PCDHA5: variants seen among roughly 807,000 people sequenced by gnomAD.
The protein encoded by PCDHA5 is protocadherin alpha 5.
A neutral mutation model predicts 61.6 loss-of-function variants in PCDHA5; 43 were observed. That is an observed-to-expected ratio of 0.70 (90% CI 0.55 to 0.90). The LOEUF (loss-of-function observed/expected upper bound fraction) is 0.90, where lower values mean the gene tolerates loss of function less well. Ranked by LOEUF, PCDHA5 falls within the 40% of genes least tolerant of loss-of-function variation. The pLI, the probability that PCDHA5 is intolerant of heterozygous loss-of-function variation, is 0.00. For synonymous variants in PCDHA5, 627 were observed against 543.9 expected (o/e 1.15, Z -2.13); for missense variants, 1,298 against 1,222.7 (o/e 1.06, Z -0.92).
intron 1 of PCDHA5, chr5:140,849,292 C>T (rs1472038377): frequency 1.5e-5 from 18 of 1,231,626 alleles, no homozygotes; most frequent in African/African-American, 1.8e-5. Flanking sequence ...CACCCCAATG[C>T]CTCAGATTTA....
In PCDHA5 at chr5:140,821,771, T is replaced by C. The variant is rs2150110539; in HGVS notation, c.-5T>C. The stretch of plus-strand genomic sequence containing the variant: ...TAGAAAGCTCATAATTGGAACGAGA[T>C]TGAGATGGTATATTCCCGGAGAGGA... On this transcript the variant is annotated 5_prime_UTR_variant, in exon 1 of 4. Coordinates refer to ENST00000529859, the MANE Select transcript of PCDHA5 (RefSeq NM_018908.3). The C allele has an allele frequency of 2.4e-4, 390 of 1,602,920 alleles. No individual in the cohort carries two copies. Among genetic ancestry groups the C allele is most frequent in the Non-Finnish European group, 3.2e-4 (377 of 1,174,350 alleles).
chr5:140,927,920 T>G (rs782193396), intron 1 of PCDHA5: 1 of 1,614,120 alleles, frequency 6.2e-7, no homozygotes, highest in Non-Finnish European at 8.5e-7. Flanking sequence ...CTGGACTTCC[T>G]GACTCTTTCG....
chr5:140,955,324 T>G (rs1358791050), intron 1 of PCDHA5, among the ~76,000 whole-genome samples: 8 of 152,186 alleles, frequency 5.3e-5, no homozygotes, highest in Non-Finnish European at 8.8e-5. Flanking sequence ...CCTTGAATTG[T>G]AGTTCCCATA....
intron 3 of PCDHA5, among the ~76,000 whole-genome samples, chr5:141,000,339 A>ATC (rs1414297743): frequency 9.8e-6 from 1 of 102,338 alleles, no homozygotes; most frequent in Non-Finnish European, 2.1e-5. Context: ...GCAAGGCCCT[A>ATC]TCTCTCTCTC....
At chr5:140,935,981 C>T (rs1206046231) in intron 1 of PCDHA5, among the ~76,000 whole-genome samples, 2 of 151,096 alleles carry the variant, frequency 1.3e-5, no homozygotes, top group Non-Finnish European at 2.9e-5. Context: ...CAATCTCTGC[C>T]TCCCGGGTTC....
chr5:140,909,117 G>T lies in PCDHA5; in HGVS notation c.2353-69832G>T, dbSNP rs576916273. Among the ~76,000 whole-genome samples the T allele has an allele frequency of 1.1e-4, 16 of 152,272 alleles. No homozygotes were observed. The South Asian group carries it at 3.1e-3, about 30-fold the overall frequency. On this transcript the variant is annotated intron_variant, in intron 1 of 3. Transcript: ENST00000529859. ...ACTCACTGGGTCCAATCAGCAAAAT[G>T]TCATCAAGGTAATGAACCAGTGTGA...
chr5:141,010,381 T>C lies in PCDHA5; in HGVS notation c.*444T>C. On this transcript the variant is annotated 3_prime_UTR_variant, in exon 4 of 4. Transcript: ENST00000529859. ...ACCGCGGGTATGCGAGTGCCAGATA[T>C]TGGCTGAGACGAGCCAGCTTAGACT... 2.8e-6 allele frequency: 4 copies of C among 1,442,848 alleles called. No homozygotes were observed. The highest frequency in any genetic ancestry group is 2.8e-6 in the Non-Finnish European group (3 of 1,086,990). The allele number at this position is 1,442,848 out of a possible 1,614,324, so 89.4% of individuals were successfully genotyped here.
chr5:140,904,706 A>G (rs1554191662), intron 1 of PCDHA5, among the ~76,000 whole-genome samples: 2 of 151,982 alleles, frequency 1.3e-5, no homozygotes, highest in South Asian at 2.1e-4. Flanking sequence ...TTCCCTTTTC[A>G]CCACATTCTG....
At position 140,857,973 on chromosome 5, in the gene PCDHA5, C is replaced by G. The variant is rs114376757; in HGVS notation, c.2352+33846C>G. On this transcript the variant is annotated intron_variant, in intron 1 of 3. Transcript: ENST00000529859. ...CGCGCTCTGGATGAGACTGACTCGC[C>G]ACGCCAGCGCCTACTGGTGCTGGTG... is the stretch of plus-strand genomic sequence containing the variant. The G allele has an allele frequency of 3.1e-3, 4,989 of 1,596,810 alleles. 388 individuals carry two copies. In the African/African-American group the frequency reaches 0.058, roughly 19 times the overall value.
chr5:140,841,458 G>T (rs2150315915), intron 1 of PCDHA5: 2 of 1,612,756 alleles, frequency 1.2e-6, no homozygotes, highest in African/African-American at 2.7e-5. Flanking sequence ...ACCTTCGTGG[G>T]CCGGATCGCG....
rs1450871721 is a variant in PCDHA5, at chr5:140,999,541, C to T, written c.2501-10086C>T. 3.3e-5 allele frequency among the ~76,000 whole-genome samples: 5 copies of T among 152,150 alleles called. No individual in the cohort carries two copies. The East Asian group carries it at 9.7e-4, about 29-fold the overall frequency. On this transcript the variant is annotated intron_variant, in intron 3 of 3. Coordinates refer to ENST00000529859, the MANE Select transcript of PCDHA5 (RefSeq NM_018908.3). ...TTTGTTACCCCCTGGATATGACAGC[C>T]AATGAAGAGGGGGTATTTTGAGAAG...
intron 1 of PCDHA5, among the ~76,000 whole-genome samples, chr5:140,943,307 T>C (rs1554215574): frequency 6.7e-6 from 1 of 149,570 alleles, no homozygotes; most frequent in Non-Finnish European, 1.5e-5. Flanking sequence ...TGGGAAGTCA[T>C]TATTAGCAAT....
At chr5:140,965,827 A>G (rs2095939185) in intron 1 of PCDHA5, among the ~76,000 whole-genome samples, 1 of 152,172 alleles carries the variant, frequency 6.6e-6, no homozygotes, top group Non-Finnish European at 1.5e-5. Context: ...TAAACATTTA[A>G]ATATTGGTTA....
intron 3 of PCDHA5, among the ~76,000 whole-genome samples, chr5:141,004,550 G>A (rs1554259606): frequency 6.6e-6 from 1 of 152,222 alleles, no homozygotes; most frequent in African/African-American, 2.4e-5. Flanking sequence ...TCCTTTAACT[G>A]TGCAAGATGA....
chr5:140,962,014 G>C (rs2095650512), intron 1 of PCDHA5, among the ~76,000 whole-genome samples: 1 of 151,888 alleles, frequency 6.6e-6, no homozygotes, highest in African/African-American at 2.4e-5. Flanking sequence ...TTCCCGAGTA[G>C]CTGGGACTAC....
At chr5:140,954,832 A>G (rs2095096599) in intron 1 of PCDHA5, among the ~76,000 whole-genome samples, 1 of 152,208 alleles carries the variant, frequency 6.6e-6, no homozygotes, top group Admixed American at 6.5e-5. Flanking sequence ...CACTTTTGTC[A>G]TGAAATCTTT....
chr5:140,837,979 T>G (rs1775353810), intron 1 of PCDHA5, among the ~76,000 whole-genome samples: 1 of 151,792 alleles, frequency 6.6e-6, no homozygotes, highest in Non-Finnish European at 1.5e-5. Flanking sequence ...ACACCCAGCC[T>G]GCCTTTCATC....
intron 1 of PCDHA5, among the ~76,000 whole-genome samples, chr5:140,935,193 G>A (rs782043966): frequency 3.3e-5 from 5 of 152,122 alleles, no homozygotes; most frequent in Non-Finnish European, 4.4e-5. Flanking sequence ...GTCAGTTGCT[G>A]TTTCTAGGTA....
intron 1 of PCDHA5, among the ~76,000 whole-genome samples, chr5:140,920,357 A>G (rs782419559): frequency 5.3e-5 from 8 of 151,994 alleles, no homozygotes; most frequent in Non-Finnish European, 8.8e-5. Context: ...TGCTAGTTCT[A>G]TTCATTTATT....
Sources: gnomAD v4.1 joint callset for allele counts (sites outside exome capture counted in the v4.1 genomes callset) on GRCh38, gnomAD v4.1.1 for gene constraint, MANE v1.5 for transcripts, NCBI Gene and HGNC (gene_info 2026-07-23, HGNC 2026-07-21) for gene names.